TMEM63C: variants seen among roughly 807,000 people sequenced by gnomAD.
TMEM63C encodes the protein transmembrane protein 63C, also known as osmosensitive cation channel TMEM63C.
A neutral mutation model predicts 99.2 loss-of-function variants in TMEM63C; 32 were observed. The observed-to-expected ratio is 0.32, with a 90% confidence interval of 0.24 to 0.43. The LOEUF is 0.43. Ranked by LOEUF, TMEM63C falls within the 20% of genes least tolerant of loss-of-function variation. The pLI, the probability that TMEM63C is intolerant of heterozygous loss-of-function variation, is 1.00. For missense variants in TMEM63C, 826 were observed against 1,053.0 expected, an observed-to-expected ratio of 0.78 and a Z score of 2.98; for synonymous variants, 376 against 397.9, an observed-to-expected ratio of 0.94 and a Z score of 0.66.
At chr14:77,229,752 A>G (rs67583341) in intron 6 of TMEM63C, among the ~76,000 whole-genome samples, 25,694 of 149,974 alleles carry the variant, frequency 0.17, 2,386 homozygotes, top group Non-Finnish European at 0.21. Context: ...ATGCCCAGCC[A>G]CAAATGCTTT....
intron 12 of TMEM63C, 131 bp downstream of exon 12, chr14:77,239,857 C>G (rs1338980945): frequency 7.7e-7 from 1 of 1,291,174 alleles, no homozygotes; most frequent in African/African-American, 1.5e-5. Flanking sequence ...CCACCCAGCT[C>G]CTTCCTCCCC....
At chr14:77,245,686 AATACCATCAG>A in intron 16 of TMEM63C, among the ~76,000 whole-genome samples, 1 of 152,312 alleles carries the variant, frequency 6.6e-6, no homozygotes, top group African/African-American at 2.4e-5. Context: ...TCCCCCTTGT[AATACCATCAG>A]ATCTCACGAG....
At position 77,240,618 on chromosome 14, in the gene TMEM63C, A is replaced by G; in HGVS notation, c.1064+10A>G. On this transcript the variant is annotated intron_variant, in intron 13 of 23. Coordinates refer to ENST00000298351, the MANE Select transcript of TMEM63C (RefSeq NM_020431.4). ...CCAGGATGGCCAAGCGGTGAGCACC[A>G]GGCAGGCGCCCCACCCAGCCCCAAG... 1 of 1,606,494 alleles carries G rather than the reference A, an allele frequency of 6.2e-7. No individual in the cohort carries two copies. The highest frequency in any genetic ancestry group is 2.2e-5 in the East Asian group (1 of 44,886).
Position 77,243,153 on chromosome 14 carries a change from G to A in TMEM63C, c.1341+97G>A, listed in dbSNP as rs1889210228. 6 of 1,402,758 alleles carry A rather than the reference G, an allele frequency of 4.3e-6. No homozygotes were observed. The South Asian group carries it at 6.3e-5, about 15-fold the overall frequency. The allele number at this position is 1,402,758 out of a possible 1,614,324, so 86.9% of individuals were successfully genotyped here. On this transcript the variant is annotated intron_variant, in intron 15 of 23. Coordinates refer to ENST00000298351, the MANE Select transcript of TMEM63C (RefSeq NM_020431.4). ...GGGGGGAGCCCCCTGGGAGGGGGCT[G>A]TGGAGCCCATACAGTGCGAACATTG... is the stretch of plus-strand genomic sequence containing the variant.
chr14:77,216,938 G>A (rs1449517362), intron 2 of TMEM63C, among the ~76,000 whole-genome samples: 1 of 152,158 alleles, frequency 6.6e-6, no homozygotes, highest in Admixed American at 6.6e-5. Context: ...GTCCGAGGCA[G>A]GAGAATCACT....
chr14:77,251,243 C>A (rs1889353741), intron 21 of TMEM63C, among the ~76,000 whole-genome samples: 1 of 152,226 alleles, frequency 6.6e-6, no homozygotes, highest in South Asian at 2.1e-4. Context: ...CAGTAAGCAT[C>A]ATTAAGCAGT....
intron 1 of TMEM63C, among the ~76,000 whole-genome samples, chr14:77,202,098 C>T (rs1049107108): frequency 1.1e-4 from 16 of 152,230 alleles, no homozygotes; most frequent in African/African-American, 3.6e-4. Context: ...CTAAGGGAGA[C>T]CCTGGAGATC....
intron 6 of TMEM63C, among the ~76,000 whole-genome samples, chr14:77,228,369 C>G (rs10138268): frequency 6.7e-6 from 1 of 149,694 alleles, no homozygotes; most frequent in Admixed American, 6.8e-5. Context: ...GACCTTCCCC[C>G]GCTCTCCAGA....
At chr14:77,225,492 C>T (rs1434732417) in intron 6 of TMEM63C, 31 bp downstream of exon 6, 8 of 1,610,312 alleles carry the variant, frequency 5.0e-6, no homozygotes, top group East Asian at 2.2e-5. Context: ...AGCTTGTGAC[C>T]GTGTTGCCTT....
chr14:77,240,763 G>A (rs1426053158), intron 13 of TMEM63C, among the ~76,000 whole-genome samples, 155 bp downstream of exon 13: 1 of 152,068 alleles, frequency 6.6e-6, no homozygotes, highest in Non-Finnish European at 1.5e-5. Context: ...GGATGAGATG[G>A]CCATACCTGC....
At chr14:77,182,600 A>G (rs1176249005) in intron 1 of TMEM63C, among the ~76,000 whole-genome samples, 1 of 152,054 alleles carries the variant, frequency 6.6e-6, no homozygotes, top group African/African-American at 2.4e-5. Flanking sequence ...TGCCCTCTGG[A>G]GGGGCAGGGG....
intron 5 of TMEM63C, among the ~76,000 whole-genome samples, chr14:77,224,754 T>C (rs1348653692): frequency 1.3e-5 from 2 of 152,142 alleles, no homozygotes; most frequent in Non-Finnish European, 2.9e-5. Context: ...CCAGGTTTCA[T>C]GATGTTTACT....
In TMEM63C at chr14:77,217,147, TA is replaced by T. The variant is rs35969189; in HGVS notation, c.-13-1643del. 5.6e-3 allele frequency among the ~76,000 whole-genome samples: 819 copies of T among 146,636 alleles called. 9 individuals are homozygous for T. The highest frequency in any genetic ancestry group is 0.018 in the African/African-American group (726 of 40,138). On this transcript the variant is annotated intron_variant, in intron 2 of 23. Transcript: ENST00000298351. ...ACAGAGTGAGGCTCTATCTCTCTCTTAAAAAAAAAAAGTCATTTTAATTCAC... is the reference window on the plus strand; with the variant it reads ...ACAGAGTGAGGCTCTATCTCTCTCTTAAAAAAAAAAGTCATTTTAATTCAC...
At chr14:77,185,577 T>C (rs1887981507) in intron 1 of TMEM63C, among the ~76,000 whole-genome samples, 2 of 152,136 alleles carry the variant, frequency 1.3e-5, no homozygotes, top group Non-Finnish European at 1.5e-5. Context: ...CAGCTGTCCA[T>C]TGGGTTTTGG....
chr14:77,207,170 G>C (rs568791111), intron 1 of TMEM63C, among the ~76,000 whole-genome samples: 1 of 152,330 alleles, frequency 6.6e-6, no homozygotes, highest in African/African-American at 2.4e-5. Context: ...GGAGGACAAG[G>C]AAAAGAAACT....
At position 77,248,429 on chromosome 14, in the gene TMEM63C, C is replaced by A; in HGVS notation, c.1684C>A (p.Leu562Met). The change falls in exon 19 of 24, where the codon CTG becomes ATG. Residue 562 changes from leucine (L) to methionine (M), a missense_variant. Coordinates refer to ENST00000298351, the MANE Select transcript of TMEM63C (RefSeq NM_020431.4). ...TTTACTTGGCACAGGCATGGAGCTG[C>A]TGCGTCTGGGGTCACTCTTCTGCTA... is the stretch of plus-strand genomic sequence containing the variant. ...AALLGTGMELLRLGSLFCYST... is the reference protein window; with the variant it reads ...AALLGTGMELMRLGSLFCYST... 2 of 1,591,784 alleles carry A rather than the reference C, an allele frequency of 1.3e-6. No homozygotes were observed. Among genetic ancestry groups the A allele is most frequent in the Non-Finnish European group, 1.7e-6 (2 of 1,169,414 alleles).
At position 77,248,057 on chromosome 14, in the gene TMEM63C, T is replaced by C. The variant is rs181432438; in HGVS notation, c.1602-290T>C. Among the ~76,000 whole-genome samples the C allele has an allele frequency of 5.9e-5, 9 of 152,328 alleles. No homozygotes were observed. The East Asian group carries it at 1.7e-3, about 29-fold the overall frequency. On this transcript the variant is annotated intron_variant, in intron 18 of 23. Coordinates refer to ENST00000298351, the MANE Select transcript of TMEM63C (RefSeq NM_020431.4). ...TCTTTGGACCTGGCTCAGACACCCT[T>C]GCTTTGGATCAAGCCAATGCATGTA...
intron 7 of TMEM63C, among the ~76,000 whole-genome samples, chr14:77,232,334 C>T (rs918144885): frequency 4.6e-5 from 7 of 152,098 alleles, no homozygotes; most frequent in Admixed American, 1.3e-4. Flanking sequence ...GTTGCCCAGG[C>T]TGGAGTGCAA....
chr14:77,210,527 C>A (rs866156215), intron 1 of TMEM63C, among the ~76,000 whole-genome samples: 1 of 152,148 alleles, frequency 6.6e-6, no homozygotes, highest in African/African-American at 2.4e-5. Flanking sequence ...TGGTGAAGGA[C>A]GTGAACCAGA....
Sources: gnomAD v4.1 joint callset for allele counts (sites outside exome capture counted in the v4.1 genomes callset) on GRCh38, gnomAD v4.1.1 for gene constraint, MANE v1.5 for transcripts, NCBI Gene and HGNC (gene_info 2026-07-23, HGNC 2026-07-21) for gene names.